PKP2: variants seen among roughly 807,000 people sequenced by gnomAD.
The protein encoded by PKP2 is plakophilin 2, also known as plakophilin-2.
A neutral mutation model predicts 83.4 loss-of-function variants in PKP2; 73 were observed. The ratio of observed to expected loss-of-function variants is 0.88; its 90% CI spans 0.72 to 1.06. The LOEUF (loss-of-function observed/expected upper bound fraction) is 1.06. Ranked by LOEUF, PKP2 falls within the 50% of genes least tolerant of loss-of-function variation. The probability of loss-of-function intolerance (pLI) is 0.00; values close to 1 mark genes in which losing one functional copy is unlikely to be tolerated. For synonymous variants in PKP2, 409 were observed against 430.4 expected (o/e 0.95, Z 0.62); for missense variants, 966 against 1,065.4 (o/e 0.91, Z 1.30).
chr12:32,849,537 C>T (rs546601849), intron 5 of PKP2, among the ~76,000 whole-genome samples: 2 of 152,344 alleles, frequency 1.3e-5, no homozygotes, highest in Admixed American at 6.5e-5. Context: ...ACTCTTTGTA[C>T]TGTGTGCAGG....
chr12:32,843,764 G>A, intron 5 of PKP2, among the ~76,000 whole-genome samples: 1 of 152,176 alleles, frequency 6.6e-6, no homozygotes, highest in East Asian at 1.9e-4. Context: ...TTCTCCTTAA[G>A]AGGCCCTGGA....
chr12:32,816,751 T>C (rs905326077), intron 9 of PKP2, among the ~76,000 whole-genome samples: 9 of 152,172 alleles, frequency 5.9e-5, no homozygotes, highest in Admixed American at 4.6e-4. Context: ...CCAGCATCTG[T>C]TGTTTTTTGA....
chr12:32,802,626 A>G (rs1328526187), intron 9 of PKP2, 70 bp from the exon 10 acceptor site: 1 of 1,286,200 alleles, frequency 7.8e-7, no homozygotes, highest in African/African-American at 1.5e-5. Flanking sequence ...TTTTCTGTAG[A>G]TTACCAGAGG....
intron 6 of PKP2, among the ~76,000 whole-genome samples, chr12:32,825,260 C>G (rs1424505205): frequency 6.6e-6 from 1 of 151,336 alleles, no homozygotes; most frequent in East Asian, 1.9e-4. Flanking sequence ...CCTCCACCTC[C>G]CGGGTTCAAG....
Position 32,895,450 on chromosome 12 carries a change from A to C in PKP2, c.223+1059T>G, listed in dbSNP as rs75767462. Among the ~76,000 whole-genome samples, 9 of 152,342 alleles carry C rather than the reference A, an allele frequency of 5.9e-5. No homozygotes were observed. In the East Asian group the frequency reaches 1.7e-3, roughly 29 times the overall value. On this transcript the variant is annotated intron_variant, in intron 1 of 12. Transcript: ENST00000340811. ...TAGAAACTAGAATGGGTTAGCCTAC[A>C]TTCGCCAATGCCCAAGTTACTTCAT...
At chr12:32,891,844 T>G (rs2137994994) in intron 1 of PKP2, among the ~76,000 whole-genome samples, 1 of 152,356 alleles carries the variant, frequency 6.6e-6, no homozygotes, top group African/African-American at 2.4e-5. Flanking sequence ...CTAAGAGATG[T>G]GTTCTCAACA....
intron 9 of PKP2, among the ~76,000 whole-genome samples, chr12:32,810,049 A>T (rs1956263489): frequency 6.6e-6 from 1 of 152,222 alleles, no homozygotes; most frequent in African/African-American, 2.4e-5. Flanking sequence ...TTATTTTAGC[A>T]GTCTCTCTTT....
At chr12:32,887,947 A>T (rs1957044412) in intron 1 of PKP2, among the ~76,000 whole-genome samples, 1 of 152,192 alleles carries the variant, frequency 6.6e-6, no homozygotes, top group Non-Finnish European at 1.5e-5. Context: ...TGGGAGGTCA[A>T]GGTGGGCAGA....
intron 7 of PKP2, 97 bp downstream of exon 7, chr12:32,823,948 A>C: frequency 3.7e-6 from 3 of 809,472 alleles, no homozygotes; most frequent in Middle Eastern, 2.6e-4. Flanking sequence ...AGGCTCAGTA[A>C]ATGAATCAGT....
intron 7 of PKP2, among the ~76,000 whole-genome samples, chr12:32,823,285 C>T (rs370180983): frequency 2.0e-5 from 3 of 151,982 alleles, no homozygotes; most frequent in East Asian, 1.9e-4. Flanking sequence ...GGCATGGTGG[C>T]GTACACCTGT....
chr12:32,850,948 T>C lies in PKP2; in HGVS notation c.1196A>G (p.Lys399Arg), dbSNP rs1271780162. 1 of 1,614,012 alleles carries C rather than the reference T, an allele frequency of 6.2e-7. No individual in the cohort carries two copies. The highest frequency in any genetic ancestry group is 2.2e-5 in the East Asian group (1 of 44,902). Residue 399 changes from lysine to arginine, a missense_variant, in exon 5 of 13, where the codon AAG becomes AGG. Coordinates refer to ENST00000340811, the MANE Select transcript of PKP2 (RefSeq NM_001005242.3). The stretch of plus-strand genomic sequence containing the variant: ...CTGAACTTTTAGGAGCTGCAGAAGC[T>C]TGAGGATGCCACGAAGCTGGTTAAC... The part of the protein sequence containing the change: ...KRVNQLRGIL[K>R]LLQLLKVQNE...
At chr12:32,893,468 C>T (rs1019693269) in intron 1 of PKP2, 3 of 152,158 alleles carry the variant, frequency 2.0e-5, no homozygotes, top group Non-Finnish European at 2.9e-5. Context: ...ACAATACATA[C>T]GAACCACCCC....
Position 32,810,883 on chromosome 12 carries a change from G to A in PKP2, c.2014-8327C>T, listed in dbSNP as rs1157023978. On this transcript the variant is annotated intron_variant, in intron 9 of 12. Transcript: ENST00000340811. ...TTTTTAGTAGAGACGGGGTTTCACC[G>A]TTTTAGCCGGGATGGTCTCGATCTC... Among the ~76,000 whole-genome samples, 25 of 12,194 alleles carry A rather than the reference G, an allele frequency of 2.1e-3. 10 individuals carry two copies. Among genetic ancestry groups the A allele is most frequent in the Admixed American group, 0.013 (24 of 1,778 alleles). The allele number at this position is 12,194 out of a possible 152,430, so 8.0% of individuals were successfully genotyped here. A position where few individuals can be genotyped will look rare whatever the true frequency, so the allele number is the denominator to read the frequency against.
At chr12:32,819,313 C>CAATACAATAAAATAA (rs1411681921) in intron 9 of PKP2, among the ~76,000 whole-genome samples, 4 of 146,360 alleles carry the variant, frequency 2.7e-5, no homozygotes, top group South Asian at 2.2e-4. Context: ...CAATACAATA[C>CAATACAATAAAATAA]AATAAAATAA....
chr12:32,875,651 A>G (rs868352638), intron 3 of PKP2, among the ~76,000 whole-genome samples: 1 of 152,204 alleles, frequency 6.6e-6, no homozygotes, highest in African/African-American at 2.4e-5. Context: ...CCAGAGGCAG[A>G]GAGCCCTGTG....
chr12:32,837,165 C>A (rs1956551253), intron 6 of PKP2, among the ~76,000 whole-genome samples: 2 of 152,178 alleles, frequency 1.3e-5, no homozygotes, highest in African/African-American at 4.8e-5. Context: ...CAATATCTGA[C>A]CCTGTGATGT....
In PKP2 at chr12:32,878,280, C is replaced by A. The variant is rs781305034; in HGVS notation, c.600G>T (p.Val200=). ...VPPRYARSEI[V]GVSRAGTTSR... is the part of the protein sequence containing the mutation. ...TTGTGGTGCCAGCACGGCTGACCCC[C>A]ACGATCTCGGAACGAGCATATCTCG... Residue 200 remains valine, a synonymous_variant, in exon 3 of 13, where the codon GTG becomes GTT. Coordinates refer to ENST00000340811, the MANE Select transcript of PKP2 (RefSeq NM_001005242.3). The A allele has an allele frequency of 6.2e-7, 1 of 1,613,948 alleles. No individual in the cohort carries two copies. Among genetic ancestry groups the A allele is most frequent in the East Asian group, 2.2e-5 (1 of 44,846 alleles).
At chr12:32,829,170 C>T (rs1253404642) in intron 6 of PKP2, among the ~76,000 whole-genome samples, 1 of 152,030 alleles carries the variant, frequency 6.6e-6, no homozygotes, top group Non-Finnish European at 1.5e-5. Flanking sequence ...TCATGTGATC[C>T]TCCAGCCTGG....
At chr12:32,855,001 T>C (rs544506422) in intron 4 of PKP2, among the ~76,000 whole-genome samples, 1 of 152,196 alleles carries the variant, frequency 6.6e-6, no homozygotes, top group Non-Finnish European at 1.5e-5. Flanking sequence ...ACCTCCTCTA[T>C]GAAATGTCAC....
Sources: allele counts gnomAD v4.1 joint callset (sites outside exome capture counted in the v4.1 genomes callset), GRCh38; gene constraint gnomAD v4.1.1; transcripts MANE v1.5; gene names NCBI Gene and HGNC (gene_info 2026-07-23, HGNC 2026-07-21).